Variants in KMT5B observed in about 807,000 individuals in gnomAD.
KMT5B encodes lysine methyltransferase 5B, also known as histone-lysine N-methyltransferase KMT5B.
KMT5B carries 10 observed loss-of-function variants against 83.2 expected under a neutral mutation model. The observed-to-expected ratio is 0.12, with a 90% CI of 0.07 to 0.20. KMT5B has a LOEUF of 0.20. Among genes scored for constraint, KMT5B ranks in the 10% least tolerant of loss-of-function variants. KMT5B has a pLI of 1.00. For missense variants in KMT5B, 753 were observed against 1,067.2 expected (o/e 0.71, Z 4.10); for synonymous variants, 349 against 388.8 (o/e 0.90, Z 1.20).
At chr11:68,177,542 T>C (rs1343378067) in intron 4 of KMT5B, among the ~76,000 whole-genome samples, 1 of 152,100 alleles carries the variant, frequency 6.6e-6, no homozygotes, top group African/African-American at 2.4e-5. Context: ...GGTGTATTAA[T>C]GCATACTGAT....
chr11:68,198,261 G>A (rs539391381), intron 1 of KMT5B, among the ~76,000 whole-genome samples: 2 of 152,312 alleles, frequency 1.3e-5, no homozygotes, highest in East Asian at 3.9e-4. Flanking sequence ...TCACATGCCT[G>A]TAATCCCAGC....
chr11:68,166,749 C>A, intron 10 of KMT5B: 1 of 1,369,902 alleles, frequency 7.3e-7, no homozygotes, highest in Non-Finnish European at 9.4e-7. Context: ...AACTCATATC[C>A]AGTTACCAAG....
At chr11:68,212,828 T>TC (rs1861101926) in intron 1 of KMT5B, 1 of 149,768 alleles carries the variant, frequency 6.7e-6, no homozygotes, top group Non-Finnish European at 1.5e-5. Context: ...GAAAACAGAG[T>TC]CCCCCAATCG....
intron 1 of KMT5B, among the ~76,000 whole-genome samples, chr11:68,211,412 T>C (rs961078947): frequency 3.9e-5 from 6 of 152,260 alleles, no homozygotes; most frequent in African/African-American, 1.4e-4. Flanking sequence ...TACTCTCTTA[T>C]TGAAGAAATA....
intron 1 of KMT5B, among the ~76,000 whole-genome samples, chr11:68,208,574 G>A (rs753692455): frequency 6.6e-6 from 1 of 152,204 alleles, no homozygotes; most frequent in Non-Finnish European, 1.5e-5. Context: ...ATGTAAGTAA[G>A]TATGTGGTTA....
intron 10 of KMT5B, chr11:68,165,676 A>T: frequency 7.7e-7 from 1 of 1,294,852 alleles, no homozygotes; most frequent in Non-Finnish European, 1.0e-6. Context: ...TGGGCTTCAC[A>T]AGTCTCCAGT....
At chr11:68,185,057 C>T (rs1857303264) in intron 3 of KMT5B, among the ~76,000 whole-genome samples, 1 of 152,064 alleles carries the variant, frequency 6.6e-6, no homozygotes. Flanking sequence ...CAAAATTCCC[C>T]ATCTATACAG....
chr11:68,158,851 G>C lies in KMT5B; in HGVS notation c.1495C>G (p.Pro499Ala). The change falls in exon 11 of 11, where the codon CCA becomes GCA. Residue 499 changes from proline to alanine, a missense_variant. This residue lies in a region of KMT5B where 397 missense variants were observed against 395.9 expected (regional missense o/e 1.00). Transcript: ENST00000304363. ...PIKKDKEPEG[P>A]AQAAVASGCL... Reference sequence around the variant, plus strand: ...CCGCTGGCAACTGCGGCTTGGGCTGGTCCCTCTGGCTCCTTATCTTTTTTA... The same window carrying C: ...CCGCTGGCAACTGCGGCTTGGGCTGCTCCCTCTGGCTCCTTATCTTTTTTA... 1 of 1,614,118 alleles carries C rather than the reference G, an allele frequency of 6.2e-7. No individual in the cohort carries two copies. Among genetic ancestry groups the C allele is most frequent in the Non-Finnish European group, 8.5e-7 (1 of 1,180,032 alleles).
intron 1 of KMT5B, among the ~76,000 whole-genome samples, chr11:68,210,075 G>A (rs1469805155): frequency 1.3e-5 from 2 of 152,070 alleles, no homozygotes; most frequent in African/African-American, 2.4e-5. Flanking sequence ...CTCAATTCCT[G>A]ACCTCGTGAT....
At chr11:68,196,804 T>C (rs1858771554) in intron 1 of KMT5B, among the ~76,000 whole-genome samples, 1 of 152,132 alleles carries the variant, frequency 6.6e-6, no homozygotes, top group Non-Finnish European at 1.5e-5. Flanking sequence ...CTTTAGGAAA[T>C]CATCTGTAGA....
chr11:68,181,458 T>C (rs182207025), intron 3 of KMT5B, among the ~76,000 whole-genome samples: 8 of 152,132 alleles, frequency 5.3e-5, no homozygotes, highest in African/African-American at 1.9e-4. Flanking sequence ...AAAGAGAAAC[T>C]AAAAAGTGAC....
In KMT5B at chr11:68,213,277, T is replaced by G. The variant is rs1180252808; in HGVS notation, c.-216A>C. ...CACCAAAAATAATTCCAGAGAAAAA[T>G]GGAGAGTAAAATCCAAGATGGCGGC... On this transcript the variant is annotated 5_prime_UTR_variant, in exon 1 of 11. Transcript: ENST00000304363. 4.1e-5 allele frequency: 6 copies of G among 144,604 alleles called. No individual in the cohort carries two copies. Among genetic ancestry groups the G allele is most frequent in the Non-Finnish European group, 7.6e-5 (5 of 65,580 alleles). The allele number at this position is 144,604 out of a possible 1,614,324, so 9.0% of individuals were successfully genotyped here.
chr11:68,209,850 T>A (rs187760061), intron 1 of KMT5B, among the ~76,000 whole-genome samples: 178 of 151,082 alleles, frequency 1.2e-3, no homozygotes, highest in African/African-American at 4.1e-3. Flanking sequence ...CGGATCTAGG[T>A]ACTGTTTTCT....
intron 1 of KMT5B, among the ~76,000 whole-genome samples, chr11:68,198,022 C>G (rs1858929008): frequency 6.6e-6 from 1 of 152,186 alleles, no homozygotes. Context: ...CTGGCATGAT[C>G]TTTCCTCTAA....
intron 9 of KMT5B, among the ~76,000 whole-genome samples, chr11:68,168,327 T>C (rs535428867): frequency 1.3e-5 from 2 of 152,132 alleles, no homozygotes; most frequent in East Asian, 1.9e-4. Context: ...AGGAGCTTTT[T>C]GTTATTAGAA....
rs544423814 is a variant in KMT5B, at chr11:68,173,667, C to G, written c.653+137G>C. 1.8e-3 allele frequency: 1,081 copies of G among 605,556 alleles called. 3 individuals are homozygous for G. The highest frequency in any genetic ancestry group is 2.0e-3 in the Non-Finnish European group (709 of 354,222). 37.5% of individuals were successfully genotyped at this position (605,556 alleles called of 1,614,324 possible). On this transcript the variant is annotated intron_variant, in intron 6 of 10. Coordinates refer to ENST00000304363, the MANE Select transcript of KMT5B (RefSeq NM_017635.5). ...CCCACTCTGACTCCAGCTGATGGGC[C>G]AAGGCAACGGCGATGCATTGGCTAC...
chr11:68,190,137 C>T lies in KMT5B; in HGVS notation c.-61G>A. On this transcript the variant is annotated 5_prime_UTR_variant, in exon 2 of 11. Coordinates refer to ENST00000304363, the MANE Select transcript of KMT5B (RefSeq NM_017635.5). ...CTCTCTTCAAATAGCTTAGAGAATA[C>T]TTTCAATGTTCTCTCCTAACAGAAA... The T allele has an allele frequency of 2.7e-6, 4 of 1,471,802 alleles. No individual in the cohort carries two copies. The highest frequency in any genetic ancestry group is 1.8e-5 in the Admixed American group (1 of 55,432). The allele number at this position is 1,471,802 out of a possible 1,614,324, so 91.2% of individuals were successfully genotyped here.
chr11:68,166,118 T>G, intron 10 of KMT5B: 1 of 1,442,694 alleles, frequency 6.9e-7, no homozygotes, highest in Non-Finnish European at 9.1e-7. Context: ...ACTTTCTAAC[T>G]TCTGTCTCTC....
At chr11:68,162,701 C>G (rs1196025034) in intron 10 of KMT5B, among the ~76,000 whole-genome samples, 41 of 152,174 alleles carry the variant, frequency 2.7e-4, no homozygotes, top group Admixed American at 2.4e-3. Flanking sequence ...TCTAAACTAA[C>G]ATAAACGCTC....
Sources: gnomAD v4.1 joint callset for allele counts (sites outside exome capture counted in the v4.1 genomes callset) on GRCh38, gnomAD v4.1.1 for gene constraint, gnomAD v4.1.1 regional missense constraint, MANE v1.5 for transcripts, NCBI Gene and HGNC (gene_info 2026-07-23, HGNC 2026-07-21) for gene names.